Variants in TBC1D32 observed in about 807,000 individuals in gnomAD.
TBC1D32 encodes the protein protein broad-minded.
TBC1D32 carries 151 observed loss-of-function variants against 170.3 expected under a neutral mutation model. The ratio of observed to expected loss-of-function variants is 0.89; its 90% CI spans 0.78 to 1.01. TBC1D32 has a LOEUF of 1.01. Ranked by LOEUF, TBC1D32 falls within the 50% of genes least tolerant of loss-of-function variation. The pLI, the probability that TBC1D32 is intolerant of heterozygous loss-of-function variation, is 0.00. For missense variants in TBC1D32, 1,464 were observed against 1,457.1 expected (o/e 1.00, Z -0.08); for synonymous variants, 498 against 488.0 (o/e 1.02, Z -0.27).
intron 30 of TBC1D32, among the ~76,000 whole-genome samples, chr6:121,091,480 G>A (rs1169906656): frequency 6.6e-6 from 1 of 151,856 alleles, no homozygotes; most frequent in African/African-American, 2.4e-5. Flanking sequence ...TAATGCAAAT[G>A]GACTCTTCCT....
At chr6:121,314,076 A>C (rs1808603563) in intron 3 of TBC1D32, among the ~76,000 whole-genome samples, 1 of 152,234 alleles carries the variant, frequency 6.6e-6, no homozygotes, top group South Asian at 2.1e-4. Context: ...TCCAAAGCCT[A>C]GCAACAAAAT....
chr6:121,115,681 G>C (rs1779616553), intron 26 of TBC1D32: 1 of 152,678 alleles, frequency 6.5e-6, no homozygotes, highest in South Asian at 2.1e-4. Flanking sequence ...GGTAACGTAT[G>C]AGGGTAGAAT....
intron 1 of TBC1D32, among the ~76,000 whole-genome samples, chr6:121,331,229 C>T (rs1329528040): frequency 6.6e-6 from 1 of 152,028 alleles, no homozygotes; most frequent in African/African-American, 2.4e-5. Context: ...GTTTTTGAGA[C>T]GGAGTCTCTC....
intron 20 of TBC1D32, among the ~76,000 whole-genome samples, chr6:121,233,851 G>C (rs1422461310): frequency 2.0e-5 from 3 of 152,074 alleles, no homozygotes; most frequent in South Asian, 2.1e-4. Context: ...GGTGTATTTC[G>C]AGAATTTGTT....
chr6:121,238,832 A>T (rs577123504), intron 20 of TBC1D32, among the ~76,000 whole-genome samples: 1 of 152,220 alleles, frequency 6.6e-6, no homozygotes, highest in South Asian at 2.1e-4. Context: ...AAACTTTAAT[A>T]GACATAAAGT....
intron 24 of TBC1D32, among the ~76,000 whole-genome samples, chr6:121,152,265 A>C (rs898476441): frequency 6.6e-6 from 1 of 152,118 alleles, no homozygotes; most frequent in African/African-American, 2.4e-5. Context: ...TATGAAGCTT[A>C]GTTTAGCTGG....
chr6:121,086,080 T>G (rs1776247200), intron 31 of TBC1D32, among the ~76,000 whole-genome samples: 1 of 152,128 alleles, frequency 6.6e-6, no homozygotes, highest in African/African-American at 2.4e-5. Context: ...TCTACATATC[T>G]TCTTCTGTTA....
intron 24 of TBC1D32, among the ~76,000 whole-genome samples, chr6:121,148,946 A>C (rs917350923): frequency 6.6e-6 from 1 of 152,162 alleles, no homozygotes; most frequent in African/African-American, 2.4e-5. Context: ...AATGATCACC[A>C]TTCTAACAGG....
At chr6:121,220,440 G>A (rs930003292) in intron 21 of TBC1D32, among the ~76,000 whole-genome samples, 18 of 151,998 alleles carry the variant, frequency 1.2e-4, no homozygotes, top group Admixed American at 5.9e-4. Flanking sequence ...TTAGTTTTAC[G>A]AAGGCTGAGA....
chr6:121,187,355 G>C (rs369313205), intron 22 of TBC1D32, among the ~76,000 whole-genome samples: 1 of 152,060 alleles, frequency 6.6e-6, no homozygotes, highest in Non-Finnish European at 1.5e-5. Flanking sequence ...ATTATTGAAA[G>C]GGTTAGACTT....
chr6:121,112,408 T>A, intron 29 of TBC1D32, 97 bp downstream of exon 29: 3 of 1,107,006 alleles, frequency 2.7e-6, no homozygotes, highest in Non-Finnish European at 3.7e-6. Flanking sequence ...TATAATTTAT[T>A]ACAAAGTCCT....
intron 15 of TBC1D32, among the ~76,000 whole-genome samples, chr6:121,258,335 A>C (rs1204322265): frequency 6.6e-6 from 1 of 152,156 alleles, no homozygotes; most frequent in Non-Finnish European, 1.5e-5. Flanking sequence ...ATTTGAAGTA[A>C]TTCTTTTCTC....
chr6:121,148,575 C>T (rs1273712), intron 24 of TBC1D32, among the ~76,000 whole-genome samples: 144,468 of 152,176 alleles, frequency 0.95, 68,985 homozygotes, highest in Non-Finnish European at 1. Context: ...TCTTCCACAA[C>T]GGTTGAAGTT....
intron 17 of TBC1D32, among the ~76,000 whole-genome samples, chr6:121,250,940 TAGAC>T (rs1183688852): frequency 7.9e-5 from 12 of 151,560 alleles, no homozygotes; most frequent in Admixed American, 2.6e-4. Context: ...ACACCAATAA[TAGAC>T]AGAGAGTCAA....
chr6:121,303,067 T>C (rs768196627), intron 9 of TBC1D32, among the ~76,000 whole-genome samples: 6 of 152,170 alleles, frequency 3.9e-5, no homozygotes, highest in Non-Finnish European at 8.8e-5. Context: ...CTCTCTTAGT[T>C]AACAGAGGTT....
In TBC1D32 at chr6:121,080,503, C is replaced by T. The variant is rs562651911; in HGVS notation, c.*268G>A. The T allele has an allele frequency of 1.0e-5, 3 of 293,302 alleles. No individual in the cohort carries two copies. Among genetic ancestry groups the T allele is most frequent in the Non-Finnish European group, 1.9e-5 (3 of 158,028 alleles). 18.2% of individuals were successfully genotyped at this position (293,302 alleles called of 1,614,324 possible). ...TGCTGGGATTACAGGCATGAGCCAC[C>T]GCGCCTGGCCAGGACTAACTCTTAA... On this transcript the variant is annotated 3_prime_UTR_variant, in exon 32 of 32. Transcript: ENST00000398212.
intron 24 of TBC1D32, among the ~76,000 whole-genome samples, chr6:121,153,209 G>A (rs1168510518): frequency 6.6e-6 from 1 of 152,032 alleles, no homozygotes. Context: ...TGATGTTGAT[G>A]CCATTGCTTT....
At position 121,153,846 on chromosome 6, in the gene TBC1D32, C is replaced by A. The variant is rs1043012191; in HGVS notation, c.2773+6164G>T. The stretch of plus-strand genomic sequence containing the variant: ...ATAAGGTGGATGCCCCTCCCACCAC[C>A]AAGCTTGCGTATACCAGGTCGACTT... On this transcript the variant is annotated intron_variant, in intron 24 of 31. Transcript: ENST00000398212. 3.9e-5 allele frequency among the ~76,000 whole-genome samples: 6 copies of A among 152,136 alleles called. No homozygotes were observed. In the East Asian group the frequency reaches 1.2e-3, roughly 30 times the overall value.
chr6:121,096,462 T>C lies in TBC1D32; in HGVS notation c.3466-5421A>G, dbSNP rs536537733. Among the ~76,000 whole-genome samples the C allele has an allele frequency of 1.1e-4, 16 of 151,576 alleles. No individual in the cohort carries two copies. The East Asian group carries it at 2.9e-3, about 28-fold the overall frequency. ...CCATTCACAATTGCTACAAAGAAAA[T>C]AAAATACCTAGGAATACAATTTACA... On this transcript the variant is annotated intron_variant, in intron 30 of 31. Transcript: ENST00000398212.
Sources: gnomAD v4.1 joint callset for allele counts (sites outside exome capture counted in the v4.1 genomes callset) on GRCh38, gnomAD v4.1.1 for gene constraint, MANE v1.5 for transcripts, NCBI Gene and HGNC (gene_info 2026-07-23, HGNC 2026-07-21) for gene names.